Variants in EVL observed in about 807,000 individuals in gnomAD.
EVL encodes Enah/Vasp-like, also known as ena/VASP-like protein.
A neutral mutation model predicts 59.6 loss-of-function variants in EVL; 21 were observed. The observed-to-expected ratio is 0.35, with a 90% CI of 0.25 to 0.51. The LOEUF is 0.51. Ranked by LOEUF, EVL falls within the 20% of genes least tolerant of loss-of-function variation. The pLI, the probability that EVL is intolerant of heterozygous loss-of-function variation, is 0.97. For missense variants in EVL, 462 were observed against 546.6 expected, an observed-to-expected ratio of 0.85 and a Z score of 1.54; for synonymous variants, 198 against 203.5, an observed-to-expected ratio of 0.97 and a Z score of 0.23.
chr14:100,091,939 G>A (rs2062573922), intron 2 of EVL, among the ~76,000 whole-genome samples: 1 of 152,178 alleles, frequency 6.6e-6, no homozygotes. Context: ...TGTTGTATGA[G>A]AGTAGAGAAT....
intron 1 of EVL, among the ~76,000 whole-genome samples, chr14:100,057,182 A>C (rs557665816): frequency 8.7e-4 from 132 of 152,300 alleles, no homozygotes; most frequent in African/African-American, 2.7e-3. Context: ...ATGTGCTAGA[A>C]ACTAGATTTC....
chr14:100,090,974 CA>C (rs1399527822), intron 2 of EVL, among the ~76,000 whole-genome samples: 2 of 152,070 alleles, frequency 1.3e-5, no homozygotes, highest in African/African-American at 2.4e-5. Context: ...AAAGTAGCTA[CA>C]AACTATTATA....
In EVL at chr14:100,128,709, C is replaced by A; in HGVS notation, c.678C>A (p.Ala226=). 6.2e-7 allele frequency: 1 copy of A among 1,607,130 alleles called. No individual in the cohort carries two copies. The highest frequency in any genetic ancestry group is 1.7e-5 in the Admixed American group (1 of 59,788). ...ACGAGAGCTCCATGTCAGGACTGGC[C>A]GCTGCCATAGCTGGGGCCAAGCTGA... ...SHDESSMSGL[A]AAIAGAKLRR... Residue 226 remains alanine, a synonymous_variant, in exon 6 of 14, where the codon GCC becomes GCA. Transcript: ENST00000392920.
intron 1 of EVL, among the ~76,000 whole-genome samples, chr14:99,988,983 C>T (rs1194865077): frequency 7.9e-5 from 12 of 152,124 alleles, no homozygotes; most frequent in Non-Finnish European, 1.6e-4. Flanking sequence ...TGCAGATAAT[C>T]CCAGTATCGC....
intron 8 of EVL, chr14:100,135,508 C>G (rs1888723620): frequency 5.1e-6 from 1 of 196,708 alleles, no homozygotes; most frequent in African/African-American, 2.3e-5. Context: ...TGCCACAGAC[C>G]TATTACACGG....
intron 1 of EVL, among the ~76,000 whole-genome samples, chr14:100,017,682 G>C (rs1296776768): frequency 6.6e-6 from 1 of 152,166 alleles, no homozygotes; most frequent in Non-Finnish European, 1.5e-5. Flanking sequence ...TTAATGACTT[G>C]AATATTTTGT....
At chr14:100,136,100 C>T (rs191764522) in intron 9 of EVL, 132 bp downstream of exon 9, 2 of 1,025,670 alleles carry the variant, frequency 1.9e-6, no homozygotes, top group East Asian at 2.4e-5. Flanking sequence ...CAGGGAAGCC[C>T]ATTTCTTATG....
intron 1 of EVL, among the ~76,000 whole-genome samples, chr14:100,030,115 G>A (rs2140216105): frequency 6.8e-6 from 1 of 147,802 alleles, no homozygotes; most frequent in East Asian, 2.0e-4. Flanking sequence ...TTTTTGAGGT[G>A]GAGTTTCGTT....
intron 1 of EVL, among the ~76,000 whole-genome samples, chr14:100,067,101 T>G (rs1345292232): frequency 1.3e-5 from 2 of 152,176 alleles, no homozygotes; most frequent in Non-Finnish European, 2.9e-5. Flanking sequence ...GCCCAGGTTT[T>G]CTGGTGCGTC....
intron 8 of EVL, among the ~76,000 whole-genome samples, chr14:100,133,217 G>C (rs1406371799): frequency 1.3e-5 from 2 of 152,118 alleles, no homozygotes; most frequent in African/African-American, 4.8e-5. Context: ...AGGAGCTTCA[G>C]GTGAGCTGTG....
At chr14:100,107,107 T>G in intron 3 of EVL, 1 of 398,752 alleles carries the variant, frequency 2.5e-6, no homozygotes, top group Non-Finnish European at 4.4e-6. Flanking sequence ...GCCCGGTGCC[T>G]GGTATGTGGC....
intron 1 of EVL, among the ~76,000 whole-genome samples, chr14:100,043,163 G>A (rs1235766644): frequency 2.0e-5 from 3 of 151,948 alleles, no homozygotes; most frequent in Non-Finnish European, 4.4e-5. Context: ...AGCACCTCAG[G>A]TTAGGAACCC....
At chr14:100,039,776 C>A (rs1298928573) in intron 1 of EVL, among the ~76,000 whole-genome samples, 1 of 152,008 alleles carries the variant, frequency 6.6e-6, no homozygotes. Flanking sequence ...GTGTGGCTGA[C>A]CCCATGAGCT....
intron 1 of EVL, among the ~76,000 whole-genome samples, chr14:100,083,430 A>G (rs1323484660): frequency 6.6e-6 from 1 of 151,822 alleles, no homozygotes; most frequent in African/African-American, 2.4e-5. Context: ...CGGTGGCACA[A>G]TCACAATTCC....
At chr14:100,074,947 G>A (rs1047553123) in intron 1 of EVL, 1 of 152,388 alleles carries the variant, frequency 6.6e-6, no homozygotes, top group Non-Finnish European at 1.5e-5. Context: ...TTCATAGTGT[G>A]AGAGAGTTCT....
chr14:100,061,970 C>A (rs1006394432), upstream of EVL, among the ~76,000 whole-genome samples: 1 of 151,710 alleles, frequency 6.6e-6, no homozygotes. Flanking sequence ...AAAGAAATTC[C>A]ATGTGCAAGT....
At chr14:100,011,902 A>G (rs1042153133) in intron 1 of EVL, among the ~76,000 whole-genome samples, 3 of 152,230 alleles carry the variant, frequency 2.0e-5, no homozygotes, top group African/African-American at 7.2e-5. Context: ...TTTACGAAAG[A>G]TTGGCACACC....
rs192940347 is a variant in EVL at position 100,028,417 on chromosome 14, A to G, written c.6-56270A>G. On this transcript the variant is annotated intron_variant, in intron 1 of 13. Coordinates refer to the EVL transcript ENST00000402714. ...ATTCAGATCTTTTGCCCATTTTTAAATCAGAATATATGTTTTCTTTGTATT... is the reference window on the plus strand; with the variant it reads ...ATTCAGATCTTTTGCCCATTTTTAAGTCAGAATATATGTTTTCTTTGTATT... 5.3e-5 allele frequency among the ~76,000 whole-genome samples: 8 copies of G among 152,234 alleles called. No individual in the cohort carries two copies. In the East Asian group the frequency reaches 1.3e-3, roughly 26 times the overall value.
chr14:100,050,911 T>TAAAA (rs756789265), intron 1 of EVL, among the ~76,000 whole-genome samples: 1 of 136,186 alleles, frequency 7.3e-6, no homozygotes, highest in East Asian at 2.1e-4. Context: ...CCCAGCTAAT[T>TAAAA]AAAAAAAAAA....
Sources: gnomAD v4.1 joint callset for allele counts (sites outside exome capture counted in the v4.1 genomes callset) on GRCh38, gnomAD v4.1.1 for gene constraint, MANE v1.5 for transcripts, NCBI Gene and HGNC (gene_info 2026-07-23, HGNC 2026-07-21) for gene names.